TAFA1: variants seen among roughly 807,000 people sequenced by gnomAD.
TAFA1 encodes chemokine-like protein TAFA-1.
A neutral mutation model predicts 18.5 loss-of-function variants in TAFA1; 4 were observed. That is an observed-to-expected ratio of 0.22 (90% CI 0.11 to 0.49). The LOEUF is 0.49. Ranked by LOEUF, TAFA1 falls within the 20% of genes least tolerant of loss-of-function variation. The probability of loss-of-function intolerance (pLI) is 0.98; values close to 1 mark genes in which losing one functional copy is unlikely to be tolerated. For missense variants in TAFA1, 147 were observed against 169.0 expected, an observed-to-expected ratio of 0.87 and a Z score of 0.72; for synonymous variants, 56 against 55.2, an observed-to-expected ratio of 1.01 and a Z score of -0.06.
intron 2 of TAFA1, among the ~76,000 whole-genome samples, chr3:68,216,686 G>A (rs1372089023): frequency 6.6e-6 from 1 of 152,022 alleles, no homozygotes; most frequent in Non-Finnish European, 1.5e-5. Flanking sequence ...TTCTAGGAAT[G>A]GGACAGGAAA....
chr3:68,397,917 T>C (rs894739448), intron 2 of TAFA1, among the ~76,000 whole-genome samples: 18 of 152,302 alleles, frequency 1.2e-4, no homozygotes, highest in African/African-American at 3.8e-4. Context: ...ACAATTGCTT[T>C]TGGTGTTTTA....
intron 2 of TAFA1, among the ~76,000 whole-genome samples, chr3:68,409,273 A>G (rs2070668680): frequency 6.6e-6 from 1 of 152,112 alleles, no homozygotes; most frequent in Non-Finnish European, 1.5e-5. Flanking sequence ...TTGTTTGGCT[A>G]TGCTTGTTCT....
chr3:68,488,658 C>T (rs748828035), intron 3 of TAFA1, among the ~76,000 whole-genome samples: 1 of 152,076 alleles, frequency 6.6e-6, no homozygotes, highest in Non-Finnish European at 1.5e-5. Flanking sequence ...AATAAGATAC[C>T]TGCACCACAG....
intron 4 of TAFA1, among the ~76,000 whole-genome samples, chr3:68,542,338 A>G (rs1461050104): frequency 1.3e-5 from 2 of 152,142 alleles, no homozygotes; most frequent in Non-Finnish European, 2.9e-5. Flanking sequence ...TTTATTAAAT[A>G]GCTTTGTTGG....
chr3:68,206,635 TTC>T (rs2066529545), intron 2 of TAFA1, among the ~76,000 whole-genome samples: 1 of 151,946 alleles, frequency 6.6e-6, no homozygotes, highest in Admixed American at 6.6e-5. Context: ...AAATTACACT[TTC>T]TCTCTGAGCT....
intron 2 of TAFA1, among the ~76,000 whole-genome samples, chr3:68,397,200 T>A (rs530697219): frequency 6.6e-6 from 1 of 152,316 alleles, no homozygotes; most frequent in East Asian, 1.9e-4. Context: ...ACATGTAGGT[T>A]TGTTACATAG....
At chr3:68,418,914 G>C (rs991503157) in intron 3 of TAFA1, among the ~76,000 whole-genome samples, 2 of 152,108 alleles carry the variant, frequency 1.3e-5, no homozygotes, top group African/African-American at 4.8e-5. Context: ...TTATGTCACA[G>C]TTTCTGTGTG....
chr3:68,016,117 G>A (rs1296683873), intron 2 of TAFA1, among the ~76,000 whole-genome samples: 2 of 152,172 alleles, frequency 1.3e-5, no homozygotes, highest in Admixed American at 1.3e-4. Context: ...TAAGTTTGCT[G>A]TGGACGATTG....
At chr3:68,442,851 G>A (rs772179937) in intron 3 of TAFA1, among the ~76,000 whole-genome samples, 53 of 152,288 alleles carry the variant, frequency 3.5e-4, no homozygotes, top group Middle Eastern at 3.4e-3. Flanking sequence ...CCATCAGATA[G>A]CTGATAAGGA....
intron 3 of TAFA1, among the ~76,000 whole-genome samples, chr3:68,534,813 AAGT>A (rs1229452122): frequency 6.6e-6 from 1 of 152,122 alleles, no homozygotes; most frequent in Admixed American, 6.6e-5. Context: ...ACTTGCAACA[AAGT>A]AGATCAGCTC....
chr3:68,394,921 A>G (rs1205638161), intron 2 of TAFA1, among the ~76,000 whole-genome samples: 2 of 152,328 alleles, frequency 1.3e-5, no homozygotes, highest in Middle Eastern at 3.4e-3. Context: ...ACCAAAAGCA[A>G]TTGCAACAAA....
intron 2 of TAFA1, among the ~76,000 whole-genome samples, chr3:68,333,294 C>T (rs1295266012): frequency 6.6e-6 from 1 of 152,102 alleles, no homozygotes; most frequent in Non-Finnish European, 1.5e-5. Flanking sequence ...AAATATACAC[C>T]ATGGAATACT....
chr3:68,156,854 A>C (rs1333275151), intron 2 of TAFA1, among the ~76,000 whole-genome samples: 1 of 152,074 alleles, frequency 6.6e-6, no homozygotes, highest in Non-Finnish European at 1.5e-5. Context: ...TCCCTATTTT[A>C]TAGATGAAAA....
intron 3 of TAFA1, among the ~76,000 whole-genome samples, chr3:68,451,214 AAT>A (rs1370822112): frequency 3.3e-5 from 5 of 152,216 alleles, no homozygotes; most frequent in Non-Finnish European, 7.3e-5. Flanking sequence ...TCACTCATGC[AAT>A]ATAAGGACAA....
At chr3:68,222,357 A>T (rs2066741617) in intron 2 of TAFA1, among the ~76,000 whole-genome samples, 1 of 152,192 alleles carries the variant, frequency 6.6e-6, no homozygotes, top group South Asian at 2.1e-4. Flanking sequence ...TGCAGAGTTA[A>T]AAGTAAGGAA....
chr3:68,081,363 C>T (rs922679378), intron 2 of TAFA1, among the ~76,000 whole-genome samples: 5 of 152,216 alleles, frequency 3.3e-5, no homozygotes, highest in South Asian at 4.2e-4. Flanking sequence ...TGAGGACCTG[C>T]GTTCCTTTGG....
intron 2 of TAFA1, among the ~76,000 whole-genome samples, chr3:68,012,572 C>A (rs1704493079): frequency 6.6e-6 from 1 of 152,268 alleles, no homozygotes; most frequent in South Asian, 2.1e-4. Flanking sequence ...ATATAAACAT[C>A]CTTTCTACAG....
intron 2 of TAFA1, among the ~76,000 whole-genome samples, chr3:68,063,446 A>G (rs1366749679): frequency 6.6e-6 from 1 of 152,250 alleles, no homozygotes; most frequent in African/African-American, 2.4e-5. Context: ...GCGCATGGAC[A>G]AGAAGTATAA....
rs1329144853 is a variant in TAFA1 at position 68,462,021 on chromosome 3, A to G, written c.259+44601A>G. Among the ~76,000 whole-genome samples, 6 of 152,074 alleles carry G rather than the reference A, an allele frequency of 3.9e-5. No homozygotes were observed. In the South Asian group the frequency reaches 1.2e-3, roughly 32 times the overall value. On this transcript the variant is annotated intron_variant, in intron 3 of 4. Transcript: ENST00000478136. ...TGAGGCATTGATAAAAACAGAATAC[A>G]TTTTCACTGTTAAAAGTTACACTTT...
Sources: gnomAD v4.1 joint callset for allele counts (sites outside exome capture counted in the v4.1 genomes callset) on GRCh38, gnomAD v4.1.1 for gene constraint, MANE v1.5 for transcripts, NCBI Gene and HGNC (gene_info 2026-07-23, HGNC 2026-07-21) for gene names.